The following MYT1L variants were observed in gnomAD, a reference collection of about 807,000 sequenced individuals.
The protein encoded by MYT1L is myelin transcription factor 1 like, also known as myelin transcription factor 1-like protein.
MYT1L carries 12 observed loss-of-function variants against 126.7 expected under a neutral mutation model. The observed-to-expected ratio is 0.09, with a 90% CI of 0.06 to 0.15. MYT1L has a LOEUF of 0.15. Ranked by LOEUF, MYT1L falls within the 10% of genes least tolerant of loss-of-function variation. MYT1L has a pLI of 1.00. For synonymous variants in MYT1L, 541 were observed against 604.2 expected (o/e 0.90, Z 1.53); for missense variants, 979 against 1,585.2 (o/e 0.62, Z 6.49).
At chr2:1,964,832 C>T (rs1211281181) in intron 8 of MYT1L, among the ~76,000 whole-genome samples, 22 of 152,130 alleles carry the variant, frequency 1.4e-4, no homozygotes, top group Admixed American at 1.4e-3. Context: ...GGAAAGGCTT[C>T]CAGAGGCAGG....
At chr2:2,102,231 G>A (rs1380447738) in intron 3 of MYT1L, among the ~76,000 whole-genome samples, 1 of 152,142 alleles carries the variant, frequency 6.6e-6, no homozygotes, top group African/African-American at 2.4e-5. Context: ...ACTGCCATGT[G>A]CATAATTGGT....
chr2:2,330,310 T>C (rs2096277041), intron 1 of MYT1L, among the ~76,000 whole-genome samples: 1 of 152,134 alleles, frequency 6.6e-6, no homozygotes, highest in Non-Finnish European at 1.5e-5. Context: ...CTGTTCTCTA[T>C]ATTTTATATA....
chr2:2,227,281 G>A (rs371254560), intron 2 of MYT1L, among the ~76,000 whole-genome samples: 13 of 152,242 alleles, frequency 8.5e-5, no homozygotes, highest in East Asian at 5.8e-4. Context: ...CTCCCAAAGC[G>A]TATTTCTAGA....
chr2:2,284,762 G>A (rs2095493602), intron 1 of MYT1L, among the ~76,000 whole-genome samples: 1 of 143,624 alleles, frequency 7.0e-6, no homozygotes, highest in South Asian at 2.5e-4. Context: ...CTGGAGTGCA[G>A]TGGCGGGATC....
intron 8 of MYT1L, among the ~76,000 whole-genome samples, chr2:1,968,314 G>A (rs2059539483): frequency 6.6e-6 from 1 of 152,210 alleles, no homozygotes; most frequent in African/African-American, 2.4e-5. Context: ...TCAGAAGCGT[G>A]AGAAGCCGCA....
intron 2 of MYT1L, among the ~76,000 whole-genome samples, chr2:2,207,884 G>A (rs1372911957): frequency 1.3e-5 from 2 of 152,124 alleles, no homozygotes; most frequent in Non-Finnish European, 2.9e-5. Flanking sequence ...CAGGAACCTG[G>A]GCATGATGTG....
chr2:2,155,978 C>T (rs1348214936), intron 3 of MYT1L, among the ~76,000 whole-genome samples: 1 of 152,112 alleles, frequency 6.6e-6, no homozygotes, highest in Non-Finnish European at 1.5e-5. Flanking sequence ...ATTCTAGGGT[C>T]TTCATAGTGA....
chr2:1,998,761 C>T (rs75689023), intron 4 of MYT1L, among the ~76,000 whole-genome samples: 1 of 152,156 alleles, frequency 6.6e-6, no homozygotes, highest in African/African-American at 2.4e-5. Flanking sequence ...CTCCCCTAAA[C>T]ATTACCATGA....
chr2:1,956,261 A>G (rs543189565), intron 8 of MYT1L, among the ~76,000 whole-genome samples: 24 of 137,630 alleles, frequency 1.7e-4, no homozygotes, highest in Non-Finnish European at 3.2e-4. Context: ...TATATTTCCT[A>G]TTCTATCTGT....
chr2:2,126,682 T>G (rs888221687), intron 3 of MYT1L, among the ~76,000 whole-genome samples: 1 of 152,224 alleles, frequency 6.6e-6, no homozygotes, highest in African/African-American at 2.4e-5. Context: ...AAAACTGGCC[T>G]TCTCCTCTAC....
intron 9 of MYT1L, among the ~76,000 whole-genome samples, chr2:1,926,641 C>A (rs1270875266): frequency 6.6e-6 from 1 of 152,248 alleles, no homozygotes; most frequent in Non-Finnish European, 1.5e-5. Flanking sequence ...GAGCTCACTG[C>A]AACCTTTGCT....
chr2:2,216,073 C>CTTCCAGCATGTAAAATGCTTTT (rs775784670), intron 2 of MYT1L, among the ~76,000 whole-genome samples: 1 of 74,938 alleles, frequency 1.3e-5, no homozygotes, highest in African/African-American at 7.0e-5. Context: ...CTCAGTTCCA[C>CTTCCAGCATGTAAAATGCTTTT]GTTCCACCTC....
chr2:2,322,549 C>T (rs917873813), intron 1 of MYT1L, among the ~76,000 whole-genome samples: 43 of 151,266 alleles, frequency 2.8e-4, no homozygotes, highest in African/African-American at 7.3e-4. Context: ...GAGTGGCACG[C>T]GGGGCTCCGT....
At chr2:2,087,731 G>C (rs1414700409) in intron 3 of MYT1L, among the ~76,000 whole-genome samples, 1 of 152,112 alleles carries the variant, frequency 6.6e-6, no homozygotes, top group Non-Finnish European at 1.5e-5. Context: ...CATTGACAAG[G>C]GACTAACCCA....
At chr2:2,302,619 G>A (rs550352592) in intron 1 of MYT1L, among the ~76,000 whole-genome samples, 9 of 152,228 alleles carry the variant, frequency 5.9e-5, no homozygotes, top group Admixed American at 3.9e-4. Flanking sequence ...AGTTCTTTCC[G>A]TCCCTAGAAA....
At chr2:2,056,446 C>G (rs920015971) in intron 3 of MYT1L, among the ~76,000 whole-genome samples, 1 of 152,220 alleles carries the variant, frequency 6.6e-6, no homozygotes, top group African/African-American at 2.4e-5. Flanking sequence ...AGGCTAAATG[C>G]CCTTGCAGGG....
intron 2 of MYT1L, among the ~76,000 whole-genome samples, chr2:2,257,533 C>A (rs1178970284): frequency 1.3e-5 from 2 of 152,146 alleles, no homozygotes; most frequent in African/African-American, 4.8e-5. Context: ...AGTCCTGGAG[C>A]TCTAACGCAC....
chr2:2,107,264 G>A (rs1007141307), intron 3 of MYT1L, among the ~76,000 whole-genome samples: 2 of 152,184 alleles, frequency 1.3e-5, no homozygotes, highest in Non-Finnish European at 2.9e-5. Flanking sequence ...TCCTTCCTCT[G>A]TGCTCGGGCA....
At chr2:1,893,584 T>C (rs933218188) in intron 14 of MYT1L, among the ~76,000 whole-genome samples, 1 of 152,164 alleles carries the variant, frequency 6.6e-6, no homozygotes, top group African/African-American at 2.4e-5. Context: ...TATGGTTTTG[T>C]CTGTTGCTAC....
Sources: allele counts gnomAD v4.1 joint callset (sites outside exome capture counted in the v4.1 genomes callset), GRCh38; gene constraint gnomAD v4.1.1; transcripts MANE v1.5; gene names NCBI Gene and HGNC (gene_info 2026-07-23, HGNC 2026-07-21).